DNAI4: variants seen among roughly 807,000 people sequenced by gnomAD.
DNAI4 encodes WD repeat domain 78.
In DNAI4, 85 loss-of-function variants were observed where a neutral mutation model predicts 105.8. The ratio of observed to expected loss-of-function variants is 0.80; its 90% CI spans 0.67 to 0.96. The LOEUF (loss-of-function observed/expected upper bound fraction) is 0.96, where lower values mean the gene tolerates loss of function less well. Among genes scored for constraint, DNAI4 ranks in the 40% least tolerant of loss-of-function variants. The probability of loss-of-function intolerance (pLI) is 0.00; values close to 1 mark genes in which losing one functional copy is unlikely to be tolerated. For missense variants in DNAI4, 1,014 were observed against 1,005.6 expected (o/e 1.01, Z -0.11); for synonymous variants, 352 against 331.5 (o/e 1.06, Z -0.67).
At chr1:66,835,834 A>G in intron 10 of DNAI4, 57 bp from the exon 11 acceptor site, 1 of 1,512,028 alleles carries the variant, frequency 6.6e-7, no homozygotes, top group South Asian at 1.1e-5. Flanking sequence ...GTAAGGCAGA[A>G]TATAATGGTG....
chr1:66,825,026 A>G (rs1212209270), intron 15 of DNAI4, among the ~76,000 whole-genome samples: 1 of 152,218 alleles, frequency 6.6e-6, no homozygotes, highest in Admixed American at 6.5e-5. Flanking sequence ...ACTCCTTAAA[A>G]TAAATGTCTC....
intron 1 of DNAI4, chr1:66,906,998 AT>A (rs1298440018): frequency 6.6e-6 from 1 of 151,898 alleles, no homozygotes; most frequent in African/African-American, 2.4e-5. Context: ...CTCCTATCTT[AT>A]TTTTTTCTCT....
rs150288325 is a variant in DNAI4 at position 66,877,093 on chromosome 1, G to A, written c.644-2156C>T. Among the ~76,000 whole-genome samples, 552 of 152,258 alleles carry A rather than the reference G, an allele frequency of 3.6e-3. 2 individuals are homozygous for A. The highest frequency in any genetic ancestry group is 0.013 in the African/African-American group (526 of 41,562). The stretch of plus-strand genomic sequence containing the variant: ...TCAGAACAGGGTGAGGAAAAGGGAT[G>A]CAATTGTTTGGCTATTCTCAGAGAC... On this transcript the variant is annotated intron_variant, in intron 4 of 16. Coordinates refer to ENST00000371026, the MANE Select transcript of DNAI4 (RefSeq NM_024763.5).
rs1166393587 is a variant in DNAI4 at position 66,836,190 on chromosome 1, AAGAAAGAAAGAAAGAAAGAG to A, written c.1582-433_1582-414del. On this transcript the variant is annotated intron_variant, in intron 10 of 16. Transcript: ENST00000371026. The stretch of plus-strand genomic sequence containing the variant: ...AAAGAAAGAAAGAAAGAAAGAAAGA[AAGAAAGAAAGAAAGAAAGAG>A]AGAGAGAGAGAGAGAGAGAGAGAGA... Among the ~76,000 whole-genome samples the A allele has an allele frequency of 6.0e-3, 410 of 68,622 alleles. 9 individuals are homozygous for A. The highest frequency in any genetic ancestry group is 0.014 in the Middle Eastern group (2 of 140). The allele number at this position is 68,622 out of a possible 152,430, so 45.0% of individuals were successfully genotyped here. A position where few individuals can be genotyped will look rare whatever the true frequency, so the allele number is the denominator to read the frequency against.
intron 2 of DNAI4, among the ~76,000 whole-genome samples, chr1:66,904,592 A>G (rs1649095239): frequency 1.3e-5 from 2 of 152,166 alleles, no homozygotes; most frequent in Non-Finnish European, 2.9e-5. Flanking sequence ...TTATCAAAAT[A>G]TGCTTTGTAA....
At chr1:66,817,749 A>C (rs1482581332) in intron 16 of DNAI4, among the ~76,000 whole-genome samples, 1 of 152,212 alleles carries the variant, frequency 6.6e-6, no homozygotes, top group Non-Finnish European at 1.5e-5. Flanking sequence ...GCAAGGTTGC[A>C]GACTTCTGTG....
In DNAI4 at chr1:66,827,423, G is replaced by A. The variant is rs1645778150; in HGVS notation, c.2113-377C>T. ...CCCAGCTGCTTTAGAGGCTAAAGTG[G>A]GAAGATCAAGTGGAAGATAAAGTGG... On this transcript the variant is annotated intron_variant, in intron 14 of 16. Coordinates refer to ENST00000371026, the MANE Select transcript of DNAI4 (RefSeq NM_024763.5). Among the ~76,000 whole-genome samples the A allele has an allele frequency of 2.6e-5, 4 of 152,046 alleles. No individual in the cohort carries two copies. The South Asian group carries it at 8.3e-4, about 32-fold the overall frequency.
chr1:66,892,969 G>GAAAC (rs71862602), intron 3 of DNAI4, among the ~76,000 whole-genome samples: 1 of 126,404 alleles, frequency 7.9e-6, no homozygotes, highest in East Asian at 2.1e-4. Context: ...AAGAAAGAAA[G>GAAAC]AAAGAAAGAA....
chr1:66,923,548 G>A (rs1002825662), intron 1 of DNAI4, among the ~76,000 whole-genome samples: 2 of 152,138 alleles, frequency 1.3e-5, no homozygotes, highest in African/African-American at 4.8e-5. Context: ...TTCAAAGATC[G>A]AGAAGCGATA....
chr1:66,881,514 A>G (rs147723595), intron 4 of DNAI4, among the ~76,000 whole-genome samples: 2,739 of 152,302 alleles, frequency 0.018, 39 homozygotes, highest in Non-Finnish European at 0.029. Flanking sequence ...GCCCTGCTGG[A>G]TTTTGGACTT....
At chr1:66,832,829 C>T (rs1219919468) in intron 13 of DNAI4, among the ~76,000 whole-genome samples, 1 of 151,944 alleles carries the variant, frequency 6.6e-6, no homozygotes, top group Non-Finnish European at 1.5e-5. Flanking sequence ...AAATAAAAAA[C>T]AAAGTATCTC....
intron 1 of DNAI4, among the ~76,000 whole-genome samples, chr1:66,914,434 C>T (rs562907804): frequency 6.1e-4 from 93 of 152,248 alleles, no homozygotes; most frequent in African/African-American, 2.1e-3. Flanking sequence ...TATCTCGTGG[C>T]TAAAAGTTCT....
chr1:66,820,708 A>T (rs1645607253), intron 16 of DNAI4, among the ~76,000 whole-genome samples: 1 of 152,182 alleles, frequency 6.6e-6, no homozygotes, highest in Admixed American at 6.5e-5. Context: ...GATGATCAGT[A>T]AAGACTTCAC....
chr1:66,834,180 A>G, intron 11 of DNAI4, 32 bp from the exon 12 acceptor site: 1 of 1,519,030 alleles, frequency 6.6e-7, no homozygotes, highest in Non-Finnish European at 8.8e-7. Context: ...TAAACATATA[A>G]TCATTATAAT....
At chr1:66,922,563 T>C (rs1218987787) in intron 1 of DNAI4, among the ~76,000 whole-genome samples, 1 of 152,212 alleles carries the variant, frequency 6.6e-6, no homozygotes, top group African/African-American at 2.4e-5. Context: ...ACCACATTGA[T>C]TACTACCTGG....
At chr1:66,866,306 CAAAAAAAAAAG>C (rs1195149615) in intron 6 of DNAI4, among the ~76,000 whole-genome samples, 2 of 113,680 alleles carry the variant, frequency 1.8e-5, no homozygotes, top group African/African-American at 3.3e-5. Flanking sequence ...GACTCTGTCT[CAAAAAAAAAAG>C]AAAAAAAAAA....
chr1:66,883,466 C>T (rs984188304), intron 4 of DNAI4, among the ~76,000 whole-genome samples: 8 of 151,786 alleles, frequency 5.3e-5, no homozygotes, highest in African/African-American at 9.7e-5. Context: ...TTAGTATATA[C>T]GGGGTTTTGC....
At chr1:66,895,371 G>A (rs575051729) in intron 2 of DNAI4, among the ~76,000 whole-genome samples, 1 of 152,262 alleles carries the variant, frequency 6.6e-6, no homozygotes, top group Admixed American at 6.5e-5. Flanking sequence ...GGGAGGCTAA[G>A]GCAAGAGGAC....
chr1:66,838,004 G>T (rs887095327), intron 9 of DNAI4, among the ~76,000 whole-genome samples: 1 of 152,072 alleles, frequency 6.6e-6, no homozygotes, highest in African/African-American at 2.4e-5. Context: ...CTTCTCATTT[G>T]CAGGCTGAAA....
Sources: gnomAD v4.1 joint callset for allele counts (sites outside exome capture counted in the v4.1 genomes callset) on GRCh38, gnomAD v4.1.1 for gene constraint, MANE v1.5 for transcripts, NCBI Gene and HGNC (gene_info 2026-07-23, HGNC 2026-07-21) for gene names.